The following CPA6 variants were observed in gnomAD, a reference collection of about 807,000 sequenced individuals.
The protein encoded by CPA6 is carboxypeptidase A6.
A neutral mutation model predicts 63.3 loss-of-function variants in CPA6; 58 were observed. That is an observed-to-expected ratio of 0.92 (90% CI 0.74 to 1.14). The LOEUF is 1.14. CPA6 is among the 50% of genes most tolerant of loss of function. The pLI is 0.00. For missense variants in CPA6, 565 were observed against 526.6 expected, an observed-to-expected ratio of 1.07 and a Z score of -0.71; for synonymous variants, 185 against 179.0, an observed-to-expected ratio of 1.03 and a Z score of -0.27.
intron 8 of CPA6, among the ~76,000 whole-genome samples, chr8:67,448,717 AAAAG>A (rs1237496703): frequency 6.6e-6 from 1 of 151,144 alleles, no homozygotes; most frequent in African/African-American, 2.4e-5. Context: ...GAAAAAGAAA[AAAAG>A]AAAGTTTTCC....
At position 67,563,843 on chromosome 8, in the gene CPA6, G is replaced by A. The variant is rs1813272961; in HGVS notation, c.193-45796C>T. On this transcript the variant is annotated intron_variant, in intron 2 of 10. Coordinates refer to ENST00000297770, the MANE Select transcript of CPA6 (RefSeq NM_020361.5). ...TACTGATTTCTACCACATTCTATGA[G>A]TCACAGTTAGAATTATTTATCCACC... is the stretch of plus-strand genomic sequence containing the variant. 2.0e-5 allele frequency among the ~76,000 whole-genome samples: 3 copies of A among 152,118 alleles called. No individual in the cohort carries two copies. In the South Asian group the frequency reaches 6.2e-4, roughly 32 times the overall value.
At chr8:67,715,142 G>T (rs1318352368) in intron 1 of CPA6, among the ~76,000 whole-genome samples, 2 of 152,030 alleles carry the variant, frequency 1.3e-5, no homozygotes, top group Non-Finnish European at 2.9e-5. Flanking sequence ...CTACCAACTG[G>T]GTGTCCTATG....
At chr8:67,426,194 C>A (rs1809879610) in intron 10 of CPA6, among the ~76,000 whole-genome samples, 1 of 152,202 alleles carries the variant, frequency 6.6e-6, no homozygotes, top group Non-Finnish European at 1.5e-5. Flanking sequence ...GTCTAGAACT[C>A]CTGACCTCAG....
chr8:67,673,670 G>A (rs1391620081), intron 1 of CPA6, among the ~76,000 whole-genome samples: 1 of 151,880 alleles, frequency 6.6e-6, no homozygotes, highest in Admixed American at 6.6e-5. Context: ...GGGATTACAG[G>A]TGTGAGCCAC....
chr8:67,479,446 A>G (rs1811310510), intron 8 of CPA6, among the ~76,000 whole-genome samples: 1 of 152,164 alleles, frequency 6.6e-6, no homozygotes, highest in Non-Finnish European at 1.5e-5. Context: ...CCCTCATGCT[A>G]TGCATGTTAA....
At chr8:67,487,374 AC>A (rs1237563792) in intron 6 of CPA6, among the ~76,000 whole-genome samples, 2 of 152,164 alleles carry the variant, frequency 1.3e-5, no homozygotes, top group African/African-American at 4.8e-5. Flanking sequence ...CCTGCAAAGG[AC>A]ATGAACTCAT....
At chr8:67,504,639 T>A (rs1811892311) in intron 6 of CPA6, among the ~76,000 whole-genome samples, 1 of 152,178 alleles carries the variant, frequency 6.6e-6, no homozygotes, top group African/African-American at 2.4e-5. Flanking sequence ...TGGAAGCACA[T>A]CATCCCCCAG....
At chr8:67,702,972 A>G (rs1037054502) in intron 1 of CPA6, among the ~76,000 whole-genome samples, 1 of 152,050 alleles carries the variant, frequency 6.6e-6, no homozygotes, top group Non-Finnish European at 1.5e-5. Context: ...CCTACTCCAA[A>G]ACCTGCCTCA....
intron 2 of CPA6, among the ~76,000 whole-genome samples, chr8:67,545,726 C>T (rs1254580597): frequency 6.6e-6 from 1 of 151,980 alleles, no homozygotes; most frequent in African/African-American, 2.4e-5. Context: ...CCACGCCCAG[C>T]TAATTTTTGT....
intron 2 of CPA6, among the ~76,000 whole-genome samples, chr8:67,608,012 T>C (rs1038115200): frequency 6.6e-6 from 1 of 152,222 alleles, no homozygotes; most frequent in Admixed American, 6.5e-5. Context: ...AAATTTTCCA[T>C]GTCTGGCTCT....
At chr8:67,667,099 C>T (rs1816248055) in intron 1 of CPA6, among the ~76,000 whole-genome samples, 1 of 152,034 alleles carries the variant, frequency 6.6e-6, no homozygotes, top group African/African-American at 2.4e-5. Context: ...AAAAACCTAT[C>T]ATCTGGCATC....
intron 8 of CPA6, among the ~76,000 whole-genome samples, chr8:67,470,328 C>CT (rs1485317314): frequency 6.8e-4 from 104 of 152,292 alleles, no homozygotes; most frequent in African/African-American, 1.8e-3. Flanking sequence ...CCACGCCCGG[C>CT]CTTGGATCAT....
chr8:67,683,692 TCTC>T (rs947553770), intron 1 of CPA6, among the ~76,000 whole-genome samples: 13 of 152,156 alleles, frequency 8.5e-5, no homozygotes, highest in African/African-American at 2.7e-4. Flanking sequence ...CTATTCAAAT[TCTC>T]CCCATTTTCA....
At chr8:67,599,461 C>T (rs1326157892) in intron 2 of CPA6, among the ~76,000 whole-genome samples, 1 of 152,130 alleles carries the variant, frequency 6.6e-6, no homozygotes, top group Non-Finnish European at 1.5e-5. Context: ...TACAAACCCG[C>T]CTAGCCAGAG....
At chr8:67,637,189 C>G (rs749105116) in intron 1 of CPA6, among the ~76,000 whole-genome samples, 9 of 151,668 alleles carry the variant, frequency 5.9e-5, no homozygotes, top group Non-Finnish European at 1.0e-4. Context: ...CTGGACTTCA[C>G]TTTATAACAG....
intron 1 of CPA6, among the ~76,000 whole-genome samples, chr8:67,718,404 C>A (rs778023390): frequency 3.9e-5 from 6 of 152,132 alleles, no homozygotes; most frequent in Non-Finnish European, 8.8e-5. Context: ...TTATGAAAAT[C>A]TTTCAGGTCT....
chr8:67,602,443 C>T (rs1311050307), intron 2 of CPA6, among the ~76,000 whole-genome samples: 1 of 152,064 alleles, frequency 6.6e-6, no homozygotes, highest in Non-Finnish European at 1.5e-5. Context: ...TAAATACGTC[C>T]AACTTTTTAT....
At chr8:67,543,131 C>G (rs1401168417) in intron 2 of CPA6, among the ~76,000 whole-genome samples, 1 of 152,130 alleles carries the variant, frequency 6.6e-6, no homozygotes, top group Non-Finnish European at 1.5e-5. Context: ...CTCAAAAGCC[C>G]TGCTATTTTT....
chr8:67,730,878 A>G (rs1044708020), intron 1 of CPA6, among the ~76,000 whole-genome samples: 2 of 152,242 alleles, frequency 1.3e-5, no homozygotes, highest in Non-Finnish European at 2.9e-5. Flanking sequence ...TGTGTTTACC[A>G]GAAGCCATGT....
Sources: allele counts gnomAD v4.1 joint callset (sites outside exome capture counted in the v4.1 genomes callset), GRCh38; gene constraint gnomAD v4.1.1; transcripts MANE v1.5; gene names NCBI Gene and HGNC (gene_info 2026-07-23, HGNC 2026-07-21).